The following PARD3 variants were observed in gnomAD, a reference collection of about 807,000 sequenced individuals.
The protein encoded by PARD3 is partitioning defective 3 homolog.
A neutral mutation model predicts 155.4 loss-of-function variants in PARD3; 75 were observed. The observed-to-expected ratio is 0.48, with a 90% CI of 0.40 to 0.58. The LOEUF (loss-of-function observed/expected upper bound fraction) is 0.58. Among genes scored for constraint, PARD3 ranks in the 20% least tolerant of loss-of-function variants. The probability of loss-of-function intolerance (pLI) is 0.00; values close to 1 mark genes in which losing one functional copy is unlikely to be tolerated. For synonymous variants in PARD3, 576 were observed against 610.5 expected (o/e 0.94, Z 0.83); for missense variants, 1,642 against 1,721.7 (o/e 0.95, Z 0.82).
At chr10:34,777,978 G>A (rs1432937220) in intron 1 of PARD3, among the ~76,000 whole-genome samples, 1 of 152,114 alleles carries the variant, frequency 6.6e-6, no homozygotes, top group Non-Finnish European at 1.5e-5. Context: ...CACATCCACG[G>A]CTCTTGAGTT....
At chr10:34,218,122 G>T (rs1303872655) in intron 22 of PARD3, among the ~76,000 whole-genome samples, 4 of 152,128 alleles carry the variant, frequency 2.6e-5, no homozygotes, top group African/African-American at 9.7e-5. Flanking sequence ...GGAACACCAT[G>T]CACACCTGAC....
chr10:34,246,882 A>T (rs1256843761), intron 22 of PARD3, among the ~76,000 whole-genome samples: 1 of 152,160 alleles, frequency 6.6e-6, no homozygotes, highest in Non-Finnish European at 1.5e-5. Flanking sequence ...AATATAAAAG[A>T]TTAGCATGTA....
intron 2 of PARD3, among the ~76,000 whole-genome samples, chr10:34,612,166 T>C (rs1403452091): frequency 6.6e-6 from 1 of 152,162 alleles, no homozygotes; most frequent in Non-Finnish European, 1.5e-5. Flanking sequence ...GTAGTATGCA[T>C]CTGTTCATGC....
chr10:34,166,389 G>C (rs1949528230), intron 22 of PARD3, among the ~76,000 whole-genome samples: 1 of 152,076 alleles, frequency 6.6e-6, no homozygotes, highest in Non-Finnish European at 1.5e-5. Context: ...AAGGCAAGAA[G>C]ACTGCTTGAC....
chr10:34,221,195 C>T (rs756213196), intron 22 of PARD3, among the ~76,000 whole-genome samples: 3 of 152,256 alleles, frequency 2.0e-5, no homozygotes, highest in East Asian at 1.9e-4. Flanking sequence ...GGGTTAAAGG[C>T]GCACGTGCAT....
At chr10:34,384,886 A>G (rs1486053976) in intron 7 of PARD3, among the ~76,000 whole-genome samples, 1 of 152,188 alleles carries the variant, frequency 6.6e-6, no homozygotes, top group Non-Finnish European at 1.5e-5. Context: ...CCCAACAGAA[A>G]AACGTCAGTG....
chr10:34,676,800 C>A (rs1358925054), intron 2 of PARD3, among the ~76,000 whole-genome samples: 1 of 152,162 alleles, frequency 6.6e-6, no homozygotes, highest in East Asian at 1.9e-4. Flanking sequence ...ACTTAGGCCA[C>A]CACCCTCAGG....
At chr10:34,581,666 A>G (rs1026501848) in intron 2 of PARD3, among the ~76,000 whole-genome samples, 1 of 152,240 alleles carries the variant, frequency 6.6e-6, no homozygotes, top group Non-Finnish European at 1.5e-5. Flanking sequence ...CTCAAGAGAC[A>G]CATCCATTTG....
intron 1 of PARD3, among the ~76,000 whole-genome samples, chr10:34,713,193 C>T (rs1202652478): frequency 6.6e-6 from 1 of 151,146 alleles, no homozygotes; most frequent in Non-Finnish European, 1.5e-5. Context: ...GCCTAGGTGA[C>T]AGAGTGAGAC....
intron 5 of PARD3, among the ~76,000 whole-genome samples, chr10:34,424,426 A>C (rs1381335932): frequency 6.6e-6 from 1 of 152,082 alleles, no homozygotes; most frequent in African/African-American, 2.4e-5. Context: ...TCTTTGAAAG[A>C]CTCCAGAAGG....
intron 2 of PARD3, among the ~76,000 whole-genome samples, chr10:34,661,442 A>C (rs1305879478): frequency 6.6e-6 from 1 of 152,214 alleles, no homozygotes; most frequent in Non-Finnish European, 1.5e-5. Context: ...CCTTTTCCCC[A>C]AATTTGATGA....
At chr10:34,500,137 TACAC>T (rs979910702) in intron 3 of PARD3, among the ~76,000 whole-genome samples, 3 of 152,164 alleles carry the variant, frequency 2.0e-5, no homozygotes, top group African/African-American at 7.2e-5. Flanking sequence ...AAACCCGTGC[TACAC>T]ACACACAGGG....
At chr10:34,747,889 G>A (rs1484119122) in intron 1 of PARD3, among the ~76,000 whole-genome samples, 5 of 152,156 alleles carry the variant, frequency 3.3e-5, no homozygotes, top group Non-Finnish European at 5.9e-5. Flanking sequence ...TGCCTACAGC[G>A]GCTGGAAAAG....
At chr10:34,145,221 A>ATATATATATATTTTTTTTTTTTTT (rs1491430560) in intron 22 of PARD3, among the ~76,000 whole-genome samples, 1 of 33,970 alleles carries the variant, frequency 2.9e-5, no homozygotes, top group African/African-American at 1.4e-4. Context: ...ATATATATAT[A>ATATATATATATTTTTTTTTTTTTT]TTTTTTTTTT....
At chr10:34,455,086 A>G (rs2077264656) in intron 4 of PARD3, among the ~76,000 whole-genome samples, 1 of 152,138 alleles carries the variant, frequency 6.6e-6, no homozygotes, top group Non-Finnish European at 1.5e-5. Flanking sequence ...TGGCAAGACT[A>G]TATCCCTCTG....
intron 1 of PARD3, among the ~76,000 whole-genome samples, chr10:34,742,734 A>T (rs925373019): frequency 2.6e-5 from 4 of 152,262 alleles, no homozygotes; most frequent in Non-Finnish European, 5.9e-5. Flanking sequence ...AAGAGATTGC[A>T]TTCCTTAATT....
intron 22 of PARD3, among the ~76,000 whole-genome samples, chr10:34,263,681 C>T (rs1245606995): frequency 1.3e-5 from 2 of 152,122 alleles, no homozygotes; most frequent in African/African-American, 2.4e-5. Context: ...CAGGATCAAA[C>T]TCAAGTATTC....
chr10:34,439,379 T>C lies in PARD3; in HGVS notation c.714+10938A>G, dbSNP rs80250731. 6.6e-5 allele frequency among the ~76,000 whole-genome samples: 10 copies of C among 151,612 alleles called. No homozygotes were observed. The East Asian group carries it at 1.7e-3, about 26-fold the overall frequency. On this transcript the variant is annotated intron_variant, in intron 5 of 24. Coordinates refer to ENST00000374788, the MANE Select transcript of PARD3 (RefSeq NM_001184785.2). Reference sequence around the variant, plus strand: ...GCAATTCCATCTTACAATTTGGAAATGACAGTAACTTGCAGAAAAAAAAAA... The same window carrying C: ...GCAATTCCATCTTACAATTTGGAAACGACAGTAACTTGCAGAAAAAAAAAA...
rs186561380 is a variant in PARD3 at position 34,338,984 on chromosome 10, C to T, written c.2409-1558G>A. 2.4e-3 allele frequency among the ~76,000 whole-genome samples: 360 copies of T among 152,192 alleles called. 1 individual carries two copies. The highest frequency in any genetic ancestry group is 8.3e-3 in the African/African-American group (346 of 41,526). On this transcript the variant is annotated intron_variant, in intron 16 of 24. Transcript: ENST00000374788. ...GATGACAGACATCTACCCTCAGATG[C>T]CCCTTCACATACTACTATGCTTAGG... is the stretch of plus-strand genomic sequence containing the variant.
Sources: gnomAD v4.1 joint callset for allele counts (sites outside exome capture counted in the v4.1 genomes callset) on GRCh38, gnomAD v4.1.1 for gene constraint, MANE v1.5 for transcripts, NCBI Gene and HGNC (gene_info 2026-07-23, HGNC 2026-07-21) for gene names.